MRTFB: variants seen among roughly 807,000 people sequenced by gnomAD.
MRTFB encodes myocardin related transcription factor B.
Under a neutral mutation model 104.2 loss-of-function variants are expected in MRTFB, and 29 were observed. The ratio of observed to expected loss-of-function variants is 0.28; its 90% CI spans 0.21 to 0.38. The LOEUF (loss-of-function observed/expected upper bound fraction) is 0.38. Among genes scored for constraint, MRTFB ranks in the 10% least tolerant of loss-of-function variants. The pLI, the probability that MRTFB is intolerant of heterozygous loss-of-function variation, is 1.00. For missense variants in MRTFB, 1,270 were observed against 1,341.6 expected (o/e 0.95, Z 0.83); for synonymous variants, 535 against 519.5 (o/e 1.03, Z -0.41).
intron 2 of MRTFB, among the ~76,000 whole-genome samples, chr16:14,106,284 C>T (rs547424556): frequency 6.6e-5 from 10 of 152,160 alleles, no homozygotes; most frequent in Middle Eastern, 6.8e-3. Flanking sequence ...GAGTGCTTGC[C>T]GTGACTTTAA....
chr16:14,093,560 A>G (rs188392139), intron 2 of MRTFB, among the ~76,000 whole-genome samples: 1 of 152,320 alleles, frequency 6.6e-6, no homozygotes, highest in East Asian at 1.9e-4. Context: ...AGCTCTTTAA[A>G]TTAATCTAGG....
chr16:14,209,196 G>A (rs1431871638), intron 3 of MRTFB, among the ~76,000 whole-genome samples: 7 of 152,184 alleles, frequency 4.6e-5, no homozygotes, highest in Middle Eastern at 3.2e-3. Context: ...GAGACACCAC[G>A]TGCACTGCAT....
At chr16:14,247,606 C>T in intron 12 of MRTFB, 99 bp downstream of exon 12, 2 of 1,056,204 alleles carry the variant, frequency 1.9e-6, no homozygotes, top group Non-Finnish European at 2.7e-6. Context: ...ATAAATGCGT[C>T]CAGAGCAGAC....
chr16:14,015,618 A>C, the MRTFB span, among the ~76,000 whole-genome samples: 1 of 152,154 alleles, frequency 6.6e-6, no homozygotes, highest in Non-Finnish European at 1.5e-5. Flanking sequence ...CAAGTTCTGA[A>C]AGGGCCCCGA....
chr16:14,162,251 T>C (rs1038900785), intron 3 of MRTFB, among the ~76,000 whole-genome samples: 5 of 152,080 alleles, frequency 3.3e-5, no homozygotes, highest in East Asian at 1.9e-4. Context: ...AGAGGATCAC[T>C]TGAGCCTGTG....
At chr16:14,202,027 ATTAT>A (rs1247205052) in intron 3 of MRTFB, among the ~76,000 whole-genome samples, 1 of 151,902 alleles carries the variant, frequency 6.6e-6, no homozygotes, top group Non-Finnish European at 1.5e-5. Flanking sequence ...AGTTTTTAAG[ATTAT>A]TTGTTTAATT....
At chr16:14,217,468 G>A (rs1022484709) in intron 7 of MRTFB, among the ~76,000 whole-genome samples, 181 bp downstream of exon 7, 7 of 152,060 alleles carry the variant, frequency 4.6e-5, no homozygotes, top group African/African-American at 1.4e-4. Flanking sequence ...AGTATCTGCC[G>A]CTGATTAACA....
At chr16:14,196,499 T>C (rs1217399481) in intron 3 of MRTFB, among the ~76,000 whole-genome samples, 1 of 152,240 alleles carries the variant, frequency 6.6e-6, no homozygotes, top group Non-Finnish European at 1.5e-5. Flanking sequence ...GTATACTTAA[T>C]AAGAATGCAG....
chr16:14,258,058 GT>G (rs1207786444), intron 15 of MRTFB, 42 bp from the exon 16 acceptor site: 1 of 1,540,182 alleles, frequency 6.5e-7, no homozygotes, highest in African/African-American at 1.4e-5. Flanking sequence ...ATGCTTCCAG[GT>G]TTGTATGAAA....
At chr16:14,239,300 G>A (rs752448582) in intron 9 of MRTFB, among the ~76,000 whole-genome samples, 29 of 152,198 alleles carry the variant, frequency 1.9e-4, no homozygotes, top group Non-Finnish European at 3.4e-4. Context: ...ATGAATGTTA[G>A]AATAGCCTAA....
chr16:14,129,168 T>C (rs2037313921), intron 2 of MRTFB, among the ~76,000 whole-genome samples: 1 of 152,252 alleles, frequency 6.6e-6, no homozygotes, highest in Non-Finnish European at 1.5e-5. Flanking sequence ...TTTAGGTCAT[T>C]TGGGTAGTTT....
chr16:14,102,439 T>C (rs928650811), intron 2 of MRTFB, among the ~76,000 whole-genome samples: 13 of 152,226 alleles, frequency 8.5e-5, no homozygotes, highest in Non-Finnish European at 1.6e-4. Flanking sequence ...TGTTGAGTTA[T>C]CACTCGTACA....
chr16:14,083,411 G>T (rs866392111), intron 2 of MRTFB, among the ~76,000 whole-genome samples: 7 of 152,180 alleles, frequency 4.6e-5, no homozygotes, highest in South Asian at 4.1e-4. Flanking sequence ...ATGTGGACTG[G>T]AAATGGAGTC....
chr16:14,084,341 TG>T (rs1567303755), intron 2 of MRTFB, among the ~76,000 whole-genome samples: 4 of 152,094 alleles, frequency 2.6e-5, no homozygotes, highest in African/African-American at 9.7e-5. Flanking sequence ...AGTTCAAGAC[TG>T]GCCTGCACAA....
chr16:14,084,171 T>C (rs2034569967), intron 2 of MRTFB, among the ~76,000 whole-genome samples: 1 of 152,238 alleles, frequency 6.6e-6, no homozygotes, highest in Admixed American at 6.5e-5. Flanking sequence ...TGACTGTTAC[T>C]ATTTCAAATA....
intron 7 of MRTFB, 117 bp from the exon 8 acceptor site, chr16:14,218,703 A>AT (rs931008296): frequency 0.011 from 10,138 of 913,288 alleles, 1 homozygote; most frequent in South Asian, 0.015. Flanking sequence ...ATTGTGTTCA[A>AT]TTTTTTTTTT....
chr16:14,238,342 C>T (rs2042614593), intron 9 of MRTFB, among the ~76,000 whole-genome samples: 2 of 151,786 alleles, frequency 1.3e-5, no homozygotes, highest in Admixed American at 1.3e-4. Flanking sequence ...GGGGACTGTG[C>T]AAGTGAGGGG....
intron 3 of MRTFB, among the ~76,000 whole-genome samples, chr16:14,208,808 G>T (rs576537882): frequency 8.3e-4 from 127 of 152,240 alleles, no homozygotes; most frequent in Non-Finnish European, 1.5e-3. Context: ...TTCTGTTAGC[G>T]CACAATTGAT....
chr16:14,012,870 G>T, the MRTFB span, among the ~76,000 whole-genome samples: 1 of 152,096 alleles, frequency 6.6e-6, no homozygotes, highest in African/African-American at 2.4e-5. Context: ...AACCGCCTGT[G>T]GTTTGTAAAT....
Sources: allele counts gnomAD v4.1 joint callset (sites outside exome capture counted in the v4.1 genomes callset), GRCh38; gene constraint gnomAD v4.1.1; transcripts MANE v1.5; gene names NCBI Gene and HGNC (gene_info 2026-07-23, HGNC 2026-07-21).